TSPAN9: variants seen among roughly 807,000 people sequenced by gnomAD.
The protein encoded by TSPAN9 is tetraspanin 9.
A neutral mutation model predicts 31.0 loss-of-function variants in TSPAN9; 16 were observed. That is an observed-to-expected ratio of 0.52 (90% CI 0.35 to 0.78). The LOEUF (loss-of-function observed/expected upper bound fraction) is 0.78. TSPAN9 is among the 30% of genes least tolerant of loss of function. The pLI is 0.01. For synonymous variants in TSPAN9, 145 were observed against 121.6 expected, an observed-to-expected ratio of 1.19 and a Z score of -1.27; for missense variants, 272 against 312.5, an observed-to-expected ratio of 0.87 and a Z score of 0.98.
intron 1 of TSPAN9, among the ~76,000 whole-genome samples, chr12:3,082,828 T>C (rs561351272): frequency 6.6e-6 from 1 of 152,320 alleles, no homozygotes; most frequent in East Asian, 1.9e-4. Context: ...GTCAACTAGA[T>C]TGCAAGCCCC....
chr12:3,232,384 A>C (rs2098391209), intron 3 of TSPAN9, among the ~76,000 whole-genome samples: 1 of 152,108 alleles, frequency 6.6e-6, no homozygotes, highest in Non-Finnish European at 1.5e-5. Flanking sequence ...GAGGAGTCAG[A>C]GGGAGGGATA....
chr12:3,165,949 C>A (rs2098348185), intron 2 of TSPAN9, among the ~76,000 whole-genome samples: 1 of 152,140 alleles, frequency 6.6e-6, no homozygotes, highest in Admixed American at 6.5e-5. Flanking sequence ...TCAGGCCAGG[C>A]TCAGATTTGC....
intron 2 of TSPAN9, among the ~76,000 whole-genome samples, chr12:3,179,133 C>T (rs548902705): frequency 4.6e-5 from 7 of 152,254 alleles, no homozygotes; most frequent in South Asian, 2.1e-4. Context: ...CTGCGGGGCC[C>T]GGCCGAGAGG....
Position 3,185,900 on chromosome 12 carries a change from A to T in TSPAN9, c.-17-15277A>T, listed in dbSNP as rs372299928. 2.6e-5 allele frequency among the ~76,000 whole-genome samples: 4 copies of T among 152,190 alleles called. No homozygotes were observed. In the East Asian group the frequency reaches 5.8e-4, roughly 22 times the overall value. On this transcript the variant is annotated intron_variant, in intron 2 of 8. Coordinates refer to ENST00000011898, the MANE Select transcript of TSPAN9 (RefSeq NM_006675.5). ...TTTCCTAGACCTTTGAATAAAGGGA[A>T]TGCCTCGAACCTGACCTTGGAGGCT...
chr12:3,141,570 G>T (rs1232002463), intron 2 of TSPAN9, among the ~76,000 whole-genome samples: 3 of 152,020 alleles, frequency 2.0e-5, no homozygotes, highest in Non-Finnish European at 2.9e-5. Context: ...CCCTCATTCC[G>T]TGCCCTCATT....
intron 2 of TSPAN9, among the ~76,000 whole-genome samples, chr12:3,113,025 A>T (rs2098319985): frequency 6.6e-6 from 1 of 152,066 alleles, no homozygotes. Context: ...TAACTTCTAT[A>T]TTGACCCACT....
In TSPAN9 at chr12:3,258,304, G is replaced by A. The variant is rs577584132; in HGVS notation, c.64-20117G>A. Among the ~76,000 whole-genome samples the A allele has an allele frequency of 2.0e-5, 3 of 152,274 alleles. No individual in the cohort carries two copies. The East Asian group carries it at 5.8e-4, about 29-fold the overall frequency. On this transcript the variant is annotated intron_variant, in intron 3 of 8. Coordinates refer to ENST00000011898, the MANE Select transcript of TSPAN9 (RefSeq NM_006675.5). ...TGGGGGTTCAAGAAGGGAGAGCCTT[G>A]GCGAGATTCATTTTGTGTCTGAGTC...
chr12:3,162,829 T>C (rs1217327838), intron 2 of TSPAN9, among the ~76,000 whole-genome samples: 1 of 152,160 alleles, frequency 6.6e-6, no homozygotes, highest in Non-Finnish European at 1.5e-5. Context: ...CCTCCAGGGC[T>C]GAGGCTCAAG....
chr12:3,175,572 A>G (rs2098355080), intron 2 of TSPAN9, among the ~76,000 whole-genome samples: 1 of 152,164 alleles, frequency 6.6e-6, no homozygotes, highest in Admixed American at 6.5e-5. Flanking sequence ...CGCTGTGCTC[A>G]CGGGAGCCCA....
At chr12:3,105,373 C>T (rs2098313792) in intron 2 of TSPAN9, among the ~76,000 whole-genome samples, 1 of 151,458 alleles carries the variant, frequency 6.6e-6, no homozygotes, top group South Asian at 2.1e-4. Flanking sequence ...AACGTCACTT[C>T]CATAATCCTT....
At chr12:3,142,223 G>C (rs538948865) in intron 2 of TSPAN9, among the ~76,000 whole-genome samples, 50 of 152,264 alleles carry the variant, frequency 3.3e-4, no homozygotes, top group South Asian at 1.2e-3. Flanking sequence ...GCTGCCTGCT[G>C]TCCTCCCTCA....
rs1260939814 is a variant in TSPAN9 at position 3,280,688 on chromosome 12, A to C, written c.432+205A>C. ...TACAGCCAGGGAGGGATGAGGATACAGGAGGGGCAGGCCTGAGAGAGCTGT... is the reference window on the plus strand; with the variant it reads ...TACAGCCAGGGAGGGATGAGGATACCGGAGGGGCAGGCCTGAGAGAGCTGT... On this transcript the variant is annotated intron_variant, in intron 6 of 8. Transcript: ENST00000011898. This position sits in a 1 kb window ranked among gnomAD's most constrained non-coding sequence, Gnocchi z 4.5. 6.6e-6 allele frequency among the ~76,000 whole-genome samples: 1 copy of C among 152,210 alleles called. No homozygotes were observed. The highest frequency in any genetic ancestry group is 1.5e-5 in the Non-Finnish European group (1 of 68,020).
At chr12:3,151,433 A>G (rs534678360) in intron 2 of TSPAN9, 21 of 152,316 alleles carry the variant, frequency 1.4e-4, no homozygotes, top group African/African-American at 4.6e-4. Context: ...CCTGGATATA[A>G]CCCTGTGGTG....
intron 3 of TSPAN9, among the ~76,000 whole-genome samples, chr12:3,224,594 C>T (rs2011873): frequency 0.88 from 133,823 of 152,252 alleles, 58,987 homozygotes; most frequent in South Asian, 0.93. Context: ...ACCCCTGGAC[C>T]GTGTATCTGG....
At chr12:3,250,636 C>T (rs767923011) in intron 3 of TSPAN9, among the ~76,000 whole-genome samples, 48 of 152,224 alleles carry the variant, frequency 3.2e-4, no homozygotes, top group Non-Finnish European at 5.6e-4. Flanking sequence ...GTCCTTCTCC[C>T]ACTCCCAGGC....
intron 3 of TSPAN9, among the ~76,000 whole-genome samples, chr12:3,240,091 G>A (rs1300842962): frequency 6.6e-6 from 1 of 151,708 alleles, no homozygotes; most frequent in Non-Finnish European, 1.5e-5. Context: ...AGCACATAAT[G>A]TAGAGAACCC....
chr12:3,232,622 C>T (rs568589905), intron 3 of TSPAN9, among the ~76,000 whole-genome samples: 2 of 152,372 alleles, frequency 1.3e-5, no homozygotes, highest in African/African-American at 4.8e-5. Flanking sequence ...CAGTTCCTAC[C>T]TCTAGCGACT....
At chr12:3,139,405 A>C (rs2098333686) in intron 2 of TSPAN9, among the ~76,000 whole-genome samples, 1 of 151,902 alleles carries the variant, frequency 6.6e-6, no homozygotes, top group Non-Finnish European at 1.5e-5. Context: ...GCCTTCCCCA[A>C]GTGTCCCCTG....
At chr12:3,260,592 T>C (rs1262575357) in intron 3 of TSPAN9, among the ~76,000 whole-genome samples, 1 of 152,200 alleles carries the variant, frequency 6.6e-6, no homozygotes, top group Non-Finnish European at 1.5e-5. Context: ...CGAGGCACCG[T>C]AGGAGATGCA....
Sources: gnomAD v4.1 joint callset for allele counts (sites outside exome capture counted in the v4.1 genomes callset) on GRCh38, gnomAD v4.1.1 for gene constraint, Gnocchi (gnomAD v3.1) non-coding constraint, MANE v1.5 for transcripts, NCBI Gene and HGNC (gene_info 2026-07-23, HGNC 2026-07-21) for gene names.